Variants in ANKRD36C observed in about 807,000 individuals in gnomAD.
ANKRD36C encodes ankyrin repeat domain-containing protein 36C.
A neutral mutation model predicts 276.4 loss-of-function variants in ANKRD36C; 61 were observed. That is an observed-to-expected ratio of 0.22 (90% CI 0.18 to 0.27). The LOEUF is 0.27. Ranked by LOEUF, ANKRD36C falls within the 10% of genes least tolerant of loss-of-function variation. ANKRD36C has a pLI of 1.00. For missense variants in ANKRD36C, 1,447 were observed against 2,032.3 expected (o/e 0.71, Z 5.54); for synonymous variants, 483 against 680.1 (o/e 0.71, Z 4.51).
chr2:95,924,331 A>G (rs1488276112), intron 30 of ANKRD36C, among the ~76,000 whole-genome samples: 4 of 151,618 alleles, frequency 2.6e-5, no homozygotes, highest in African/African-American at 9.7e-5. Context: ...AATTTTCTTC[A>G]TCCACTAATG....
Position 95,974,115 on chromosome 2 carries a change from A to G in ANKRD36C, c.799+4007T>C, listed in dbSNP as rs1322046819. 3.3e-5 allele frequency among the ~76,000 whole-genome samples: 5 copies of G among 152,068 alleles called. No individual in the cohort carries two copies. The East Asian group carries it at 9.9e-4, about 30-fold the overall frequency. On this transcript the variant is annotated intron_variant, in intron 6 of 66. Transcript: ENST00000456556. ...TAAAGGTGTGGTAATCCAACTGACC[A>G]AATATTCCAGCTAAGTAACAGATTA...
intron 6 of ANKRD36C, among the ~76,000 whole-genome samples, chr2:95,967,581 G>A (rs1442036634): frequency 5.3e-5 from 8 of 152,122 alleles, no homozygotes; most frequent in Non-Finnish European, 8.8e-5. Context: ...ACAGTGTGGT[G>A]ATTCCTCAAG....
At chr2:95,968,426 T>C (rs1678635716) in intron 6 of ANKRD36C, among the ~76,000 whole-genome samples, 1 of 152,136 alleles carries the variant, frequency 6.6e-6, no homozygotes, top group Admixed American at 6.6e-5. Context: ...AATGGCATCA[T>C]TAGTAGAATC....
intron 6 of ANKRD36C, among the ~76,000 whole-genome samples, chr2:95,964,011 ATATGTG>A (rs202062582): frequency 3.0e-3 from 53 of 17,932 alleles, no homozygotes; most frequent in South Asian, 5.1e-3. Context: ...ATATATATAT[ATATGTG>A]TGTGTGTGTC....
At chr2:95,945,246 T>C in intron 17 of ANKRD36C, 72 bp from the exon 18 acceptor site, 1 of 1,268,342 alleles carries the variant, frequency 7.9e-7, no homozygotes, top group East Asian at 2.5e-5. Flanking sequence ...CCACCATTAC[T>C]ACATGATCTA....
intron 42 of ANKRD36C, among the ~76,000 whole-genome samples, chr2:95,907,869 G>A (rs371573044): frequency 0.017 from 2,573 of 148,816 alleles, 13 homozygotes; most frequent in Non-Finnish European, 0.024. Context: ...GTGTGGTGGT[G>A]TATTCCAATT....
At chr2:95,852,292 A>T in intron 64 of ANKRD36C, 96 bp from the exon 85 acceptor site, 1 of 872,132 alleles carries the variant, frequency 1.1e-6, no homozygotes, top group Non-Finnish European at 1.8e-6. Flanking sequence ...AATATTTTAG[A>T]CTATCAGAAT....
intron 10 of ANKRD36C, 78 bp downstream of exon 10, chr2:95,960,395 C>G: frequency 6.0e-6 from 9 of 1,508,194 alleles, no homozygotes; most frequent in Non-Finnish European, 8.0e-6. Flanking sequence ...CAATGAGCCC[C>G]CTGCTGATTT....
At chr2:95,849,701 C>T (rs550093172), downstream of ANKRD36C, among the ~76,000 whole-genome samples, 128 of 152,342 alleles carry the variant, frequency 8.4e-4, no homozygotes, top group African/African-American at 2.9e-3. Flanking sequence ...GAGACAATGA[C>T]ATATCATCAG....
At chr2:95,917,671 G>A (rs546503899) in intron 36 of ANKRD36C, among the ~76,000 whole-genome samples, 184 bp downstream of exon 38, 7 of 151,634 alleles carry the variant, frequency 4.6e-5, no homozygotes, top group East Asian at 2.0e-4. Flanking sequence ...CAAAGATCAC[G>A]TTCCAAGCCA....
intron 6 of ANKRD36C, among the ~76,000 whole-genome samples, chr2:95,973,516 C>T (rs1320299526): frequency 6.6e-6 from 1 of 152,204 alleles, no homozygotes; most frequent in Non-Finnish European, 1.5e-5. Context: ...TAATACTGTA[C>T]TATCGATCAT....
chr2:95,855,903 T>C, exon 63 of ANKRD36C: 2 of 1,613,846 alleles, frequency 1.2e-6, no homozygotes, highest in Non-Finnish European at 1.7e-6. Flanking sequence ...GCTCTCTCTT[T>C]GCTTCTCCAG....
Position 95,917,820 on chromosome 2 carries a change from T to C in ANKRD36C, c.2347+35A>G, listed in dbSNP as rs751386117. The C allele has an allele frequency of 3.8e-6, 6 of 1,570,040 alleles. No homozygotes were observed. The East Asian group carries it at 1.2e-4, about 31-fold the overall frequency. ...GTAGAGAAGTTCTTTTCTATCTGGA[T>C]TGAACGTGACATTAAATGTCTTTTG... On this transcript the variant is annotated intron_variant, in intron 36 of 66. Coordinates refer to ENST00000456556, the Ensembl canonical transcript of ANKRD36C.
intron 62 of ANKRD36C, among the ~76,000 whole-genome samples, chr2:95,856,737 G>A (rs77664376): frequency 7.2e-5 from 11 of 152,122 alleles, no homozygotes; most frequent in Admixed American, 1.3e-4. Flanking sequence ...ACTTTTACAC[G>A]CACAAATCAA....
In ANKRD36C at chr2:95,950,682, A is replaced by T; in HGVS notation, c.1295+67T>A. 2.7e-6 allele frequency: 4 copies of T among 1,505,204 alleles called. No individual in the cohort carries two copies. In the South Asian group the frequency reaches 3.6e-5, roughly 14 times the overall value. 93.2% of individuals were successfully genotyped at this position (1,505,204 alleles called of 1,614,324 possible). A position where few individuals can be genotyped will look rare whatever the true frequency, so the allele number is the denominator to read the frequency against. On this transcript the variant is annotated intron_variant, in intron 16 of 66. Transcript: ENST00000456556. ...TAGCACAGAGTAGAACACTAAACAG[A>T]TACTAGTTTCTCTTCTCGCTATTCA... is the stretch of plus-strand genomic sequence containing the variant.
intron 44 of ANKRD36C, among the ~76,000 whole-genome samples, chr2:95,893,023 G>A (rs984763629): frequency 1.3e-5 from 2 of 150,626 alleles, no homozygotes; most frequent in Admixed American, 6.6e-5. Flanking sequence ...TTTCCTCAGC[G>A]GAAACCCCAA....
At chr2:95,875,119 T>C (rs902926187) in intron 59 of ANKRD36C, among the ~76,000 whole-genome samples, 2 of 152,222 alleles carry the variant, frequency 1.3e-5, no homozygotes, top group East Asian at 1.9e-4. Flanking sequence ...GAAGTCAGTG[T>C]GGCGATTCCT....
chr2:95,870,261 C>G (rs922943396), intron 59 of ANKRD36C, among the ~76,000 whole-genome samples: 1 of 152,166 alleles, frequency 6.6e-6, no homozygotes, highest in African/African-American at 2.4e-5. Context: ...TGGGAGGCAC[C>G]CCCAGGTAGG....
At chr2:95,923,470 C>T (rs1465615884) in intron 32 of ANKRD36C, 25 bp downstream of exon 32, 2 of 1,608,360 alleles carry the variant, frequency 1.2e-6, no homozygotes, top group African/African-American at 2.7e-5. Context: ...CTGAACATGA[C>T]ATTTAATGTG....
Sources: gnomAD v4.1 joint callset for allele counts (sites outside exome capture counted in the v4.1 genomes callset) on GRCh38, gnomAD v4.1.1 for gene constraint, MANE v1.5 for transcripts, NCBI Gene and HGNC (gene_info 2026-07-23, HGNC 2026-07-21) for gene names.